FBXW2: variants seen among roughly 807,000 people sequenced by gnomAD.
FBXW2 encodes the protein F-box/WD repeat-containing protein 2.
Under a neutral mutation model 46.0 loss-of-function variants are expected in FBXW2, and 12 were observed. The ratio of observed to expected loss-of-function variants is 0.26; its 90% CI spans 0.17 to 0.42. FBXW2 has a LOEUF of 0.42. FBXW2 is among the 10% of genes least tolerant of loss of function. The pLI is 1.00. For synonymous variants in FBXW2, 203 were observed against 209.6 expected, an observed-to-expected ratio of 0.97 and a Z score of 0.27; for missense variants, 360 against 537.0, an observed-to-expected ratio of 0.67 and a Z score of 3.26.
intron 5 of FBXW2, among the ~76,000 whole-genome samples, chr9:120,775,177 A>C (rs1393769118): frequency 6.6e-6 from 1 of 151,726 alleles, no homozygotes; most frequent in Non-Finnish European, 1.5e-5. Flanking sequence ...CCCCTGTCTC[A>C]GCCTCCTGAG....
chr9:120,782,085 T>C (rs1034140740), intron 3 of FBXW2, among the ~76,000 whole-genome samples: 1 of 150,726 alleles, frequency 6.6e-6, no homozygotes, highest in African/African-American at 2.4e-5. Context: ...CTTGAAGACA[T>C]CATGCTAAGT....
chr9:120,791,206 T>C (rs911521188), intron 2 of FBXW2, among the ~76,000 whole-genome samples: 1 of 152,206 alleles, frequency 6.6e-6, no homozygotes, highest in African/African-American at 2.4e-5. Context: ...CATACACTGG[T>C]TGCACAAACC....
chr9:120,780,900 G>A (rs965066782), intron 3 of FBXW2, among the ~76,000 whole-genome samples: 3 of 152,068 alleles, frequency 2.0e-5, no homozygotes, highest in East Asian at 3.9e-4. Context: ...CATCTCAGAC[G>A]AGGCTCCACT....
chr9:120,775,782 T>A (rs1222132388), intron 5 of FBXW2, among the ~76,000 whole-genome samples: 1 of 152,178 alleles, frequency 6.6e-6, no homozygotes, highest in Non-Finnish European at 1.5e-5. Flanking sequence ...ACCTTCAACA[T>A]TTTGATGCAT....
chr9:120,782,393 G>C (rs2044634285), intron 3 of FBXW2, among the ~76,000 whole-genome samples: 3 of 151,660 alleles, frequency 2.0e-5, no homozygotes. Context: ...TTGAACCTGG[G>C]AGGTGAGGTT....
At chr9:120,773,030 G>C (rs2044412622) in intron 5 of FBXW2, among the ~76,000 whole-genome samples, 190 bp from the exon 6 acceptor site, 1 of 152,082 alleles carries the variant, frequency 6.6e-6, no homozygotes, top group Non-Finnish European at 1.5e-5. Flanking sequence ...ATCTAAAAGT[G>C]TCTAACGTTA....
chr9:120,772,312 G>A (rs1200658831), intron 6 of FBXW2, among the ~76,000 whole-genome samples: 1 of 151,988 alleles, frequency 6.6e-6, no homozygotes, highest in Non-Finnish European at 1.5e-5. Flanking sequence ...GGCCAATATG[G>A]TGAACTCCCA....
At chr9:120,792,916 C>A (rs1264942418) in intron 2 of FBXW2, 1 of 1,528,056 alleles carries the variant, frequency 6.5e-7, no homozygotes, top group Non-Finnish European at 8.8e-7. Context: ...ACAATTATGG[C>A]GCAGTATAGC....
chr9:120,777,133 A>G (rs2044513426), intron 4 of FBXW2, among the ~76,000 whole-genome samples: 1 of 152,234 alleles, frequency 6.6e-6, no homozygotes, highest in Non-Finnish European at 1.5e-5. Flanking sequence ...CAACAGTAAT[A>G]AAAATTTTTA....
chr9:120,769,930 A>G (rs1457252544), intron 7 of FBXW2, among the ~76,000 whole-genome samples: 2 of 152,236 alleles, frequency 1.3e-5, no homozygotes, highest in Non-Finnish European at 2.9e-5. Context: ...TGATTCTGAC[A>G]GCTCTGAAAC....
chr9:120,772,215 C>T (rs2044391910), intron 6 of FBXW2, among the ~76,000 whole-genome samples: 1 of 151,818 alleles, frequency 6.6e-6, no homozygotes, highest in Admixed American at 6.6e-5. Context: ...TAAGAATGGG[C>T]CGGGCGTGGT....
At position 120,764,848 on chromosome 9, in the gene FBXW2, C is replaced by T; in HGVS notation, c.1077-1G>A. 1 of 1,569,616 alleles carries T rather than the reference C, an allele frequency of 6.4e-7. No homozygotes were observed. The highest frequency in any genetic ancestry group is 8.7e-7 in the Non-Finnish European group (1 of 1,155,240). ...TGCTATCTCAGGAGTCTTGATGACC[C>T]TACAAGGATGAGAGTTAGGGACTGT... On this transcript the variant is annotated splice_acceptor_variant, in intron 7 of 7. Coordinates refer to ENST00000608872, the MANE Select transcript of FBXW2 (RefSeq NM_012164.4). LOFTEE classifies it high-confidence loss of function.
intron 5 of FBXW2, among the ~76,000 whole-genome samples, chr9:120,773,587 G>A (rs751169516): frequency 2.6e-5 from 4 of 152,182 alleles, no homozygotes; most frequent in African/African-American, 9.7e-5. Flanking sequence ...CTTGAGATAA[G>A]TATATAAACA....
At chr9:120,789,340 C>T (rs1055041793) in intron 2 of FBXW2, among the ~76,000 whole-genome samples, 2 of 152,158 alleles carry the variant, frequency 1.3e-5, no homozygotes, top group African/African-American at 4.8e-5. Flanking sequence ...AGGAGAATGA[C>T]AAATTGCTCC....
chr9:120,783,685 C>T (rs184731982), intron 3 of FBXW2, among the ~76,000 whole-genome samples: 1 of 152,282 alleles, frequency 6.6e-6, no homozygotes, highest in East Asian at 1.9e-4. Context: ...GTATGTTCCA[C>T]AAGAAAAAAC....
At chr9:120,767,336 GA>G (rs2044294230) in intron 7 of FBXW2, among the ~76,000 whole-genome samples, 1 of 152,174 alleles carries the variant, frequency 6.6e-6, no homozygotes, top group Non-Finnish European at 1.5e-5. Context: ...GAAAATGGAA[GA>G]AACTTCTGCT....
chr9:120,768,199 G>A (rs1324685617), intron 7 of FBXW2, among the ~76,000 whole-genome samples: 1 of 152,142 alleles, frequency 6.6e-6, no homozygotes, highest in African/African-American at 2.4e-5. Flanking sequence ...ACTTAGTTAA[G>A]GCATTTATAC....
chr9:120,787,579 A>T (rs750637889), intron 3 of FBXW2, among the ~76,000 whole-genome samples, 190 bp downstream of exon 3: 9 of 152,226 alleles, frequency 5.9e-5, no homozygotes, highest in Non-Finnish European at 8.8e-5. Context: ...AAAATTTTAT[A>T]AAAATGATTG....
chr9:120,781,036 C>CAAAAAAAA (rs776751730), intron 3 of FBXW2, among the ~76,000 whole-genome samples: 1 of 108,932 alleles, frequency 9.2e-6, no homozygotes, highest in African/African-American at 3.3e-5. Context: ...AATATCATGG[C>CAAAAAAAA]AAAAAAAAAA....
Sources: allele counts gnomAD v4.1 joint callset (sites outside exome capture counted in the v4.1 genomes callset), GRCh38; gene constraint gnomAD v4.1.1; transcripts MANE v1.5; gene names NCBI Gene and HGNC (gene_info 2026-07-23, HGNC 2026-07-21).